MVB12B: variants seen among roughly 807,000 people sequenced by gnomAD.
MVB12B encodes multivesicular body subunit 12B.
In MVB12B, 16 loss-of-function variants were observed where a neutral mutation model predicts 41.6. That is an observed-to-expected ratio of 0.38 (90% CI 0.26 to 0.58). The LOEUF (loss-of-function observed/expected upper bound fraction) is 0.58. Ranked by LOEUF, MVB12B falls within the 20% of genes least tolerant of loss-of-function variation. The pLI, the probability that MVB12B is intolerant of heterozygous loss-of-function variation, is 0.62. For missense variants in MVB12B, 274 were observed against 380.2 expected, an observed-to-expected ratio of 0.72 and a Z score of 2.32; for synonymous variants, 133 against 139.7, an observed-to-expected ratio of 0.95 and a Z score of 0.34.
In MVB12B at chr9:126,386,440, T is replaced by C; in HGVS notation, c.313-122T>C. ...ACCATTAAGTGTCACCTACTCTAATTAACCTGCTGTCATAAAGCTGCACGA... is the reference window on the plus strand; with the variant it reads ...ACCATTAAGTGTCACCTACTCTAATCAACCTGCTGTCATAAAGCTGCACGA... On this transcript the variant is annotated intron_variant, in intron 3 of 9. Coordinates refer to ENST00000361171, the MANE Select transcript of MVB12B (RefSeq NM_033446.3). The surrounding 1 kb of genome is among the most constrained non-coding windows in gnomAD (Gnocchi z 4.3). 1.5e-6 allele frequency: 1 copy of C among 660,614 alleles called. No individual in the cohort carries two copies. The highest frequency in any genetic ancestry group is 2.8e-5 in the East Asian group (1 of 35,866). The allele number at this position is 660,614 out of a possible 1,614,324, so 40.9% of individuals were successfully genotyped here. A position where few individuals can be genotyped will look rare whatever the true frequency, so the allele number is the denominator to read the frequency against.
intron 4 of MVB12B, among the ~76,000 whole-genome samples, chr9:126,388,319 A>C (rs1830856262): frequency 6.6e-6 from 1 of 152,156 alleles, no homozygotes; most frequent in African/African-American, 2.4e-5. Context: ...AGCTTCTCTC[A>C]CTTAGCATAC....
At chr9:126,416,882 A>G (rs1356649281) in intron 6 of MVB12B, among the ~76,000 whole-genome samples, 1 of 152,216 alleles carries the variant, frequency 6.6e-6, no homozygotes, top group Non-Finnish European at 1.5e-5. Context: ...GACCCAGCTG[A>G]TGGCAGAGCC....
chr9:126,378,130 A>G (rs1380110061), intron 2 of MVB12B, among the ~76,000 whole-genome samples: 1 of 151,472 alleles, frequency 6.6e-6, no homozygotes, highest in African/African-American at 2.4e-5. Flanking sequence ...CCCACACCCC[A>G]CCTTACCCCA....
chr9:126,410,378 C>T (rs1003090255), intron 6 of MVB12B, among the ~76,000 whole-genome samples: 4 of 152,182 alleles, frequency 2.6e-5, no homozygotes, highest in Admixed American at 1.3e-4. Flanking sequence ...AGCATGAACG[C>T]ACATCCTAGC....
intron 7 of MVB12B, among the ~76,000 whole-genome samples, chr9:126,467,855 A>G (rs189473541): frequency 1.3e-5 from 2 of 152,288 alleles, no homozygotes; most frequent in Admixed American, 1.3e-4. Flanking sequence ...TTCTCCAAAC[A>G]GCTCCTGTCT....
In MVB12B at chr9:126,395,474, GT is replaced by G; in HGVS notation, c.540-98del. 7.1e-7 allele frequency: 1 copy of G among 1,408,936 alleles called. No homozygotes were observed. Among genetic ancestry groups the G allele is most frequent in the African/African-American group, 1.4e-5 (1 of 70,306 alleles). The allele number at this position is 1,408,936 out of a possible 1,614,324, so 87.3% of individuals were successfully genotyped here. A position where few individuals can be genotyped will look rare whatever the true frequency, so the allele number is the denominator to read the frequency against. On this transcript the variant is annotated intron_variant, in intron 5 of 9. Transcript: ENST00000361171. The surrounding 1 kb of genome is among the most constrained non-coding windows in gnomAD (Gnocchi z 4.9). ...GGAGGGCAAGAATTGATTCCCTGGT[GT>G]TTGAGGCCATGACTCTTTTAAATGA...
At chr9:126,472,313 A>G (rs1833330464) in intron 7 of MVB12B, among the ~76,000 whole-genome samples, 1 of 152,090 alleles carries the variant, frequency 6.6e-6, no homozygotes, top group Non-Finnish European at 1.5e-5. Flanking sequence ...TGCAGGAGCT[A>G]TAATCCCATC....
intron 1 of MVB12B, among the ~76,000 whole-genome samples, chr9:126,330,242 A>T (rs931111997): frequency 6.6e-6 from 1 of 151,724 alleles, no homozygotes; most frequent in African/African-American, 2.4e-5. Flanking sequence ...TTCCCTTAGG[A>T]CTGGAGGGCC....
chr9:126,397,058 G>A (rs942609647), intron 6 of MVB12B: 14 of 985,366 alleles, frequency 1.4e-5, no homozygotes, highest in Admixed American at 1.2e-4. Context: ...CCTGTGTGTC[G>A]GGGTCCTCCA....
chr9:126,429,335 A>G (rs1249624590), intron 7 of MVB12B, among the ~76,000 whole-genome samples: 1 of 152,228 alleles, frequency 6.6e-6, no homozygotes, highest in African/African-American at 2.4e-5. Context: ...GTATTTGTAT[A>G]TCCTGATGTA....
intron 9 of MVB12B, 62 bp from the exon 10 acceptor site, chr9:126,503,115 G>A: frequency 2.2e-6 from 3 of 1,378,146 alleles, no homozygotes; most frequent in Non-Finnish European, 1.0e-6. Context: ...TGAGGCTGTG[G>A]AGGGGTTTCC....
At chr9:126,416,164 C>T (rs563129518) in intron 6 of MVB12B, among the ~76,000 whole-genome samples, 9 of 152,334 alleles carry the variant, frequency 5.9e-5, no homozygotes, top group African/African-American at 1.9e-4. Flanking sequence ...CATGGAGGCC[C>T]TCATGAGCCA....
rs760112792 is a variant in MVB12B, at chr9:126,503,478, G to A, written c.*215G>A. On this transcript the variant is annotated 3_prime_UTR_variant, in exon 10 of 10. Transcript: ENST00000361171. Reference sequence around the variant, plus strand: ...CCCTGGGGACATTGTTCATAACCATGACTAATCTGTGTGTGCTGTAGTGAC... The same window carrying A: ...CCCTGGGGACATTGTTCATAACCATAACTAATCTGTGTGTGCTGTAGTGAC... The A allele has an allele frequency of 2.1e-4, 126 of 592,274 alleles. No homozygotes were observed. Among genetic ancestry groups the A allele is most frequent in the Middle Eastern group, 4.4e-4 (1 of 2,260 alleles). 36.7% of individuals were successfully genotyped at this position (592,274 alleles called of 1,614,324 possible).
chr9:126,381,808 G>T (rs1830645757), intron 3 of MVB12B, among the ~76,000 whole-genome samples: 2 of 151,758 alleles, frequency 1.3e-5, no homozygotes, highest in Non-Finnish European at 2.9e-5. Flanking sequence ...GCTTTGGTGA[G>T]TATCTGCTCT....
chr9:126,333,163 T>G lies in MVB12B; in HGVS notation c.81+6153T>G, dbSNP rs1829174880. On this transcript the variant is annotated intron_variant, in intron 1 of 9. Transcript: ENST00000361171. The surrounding 1 kb of genome is among the most constrained non-coding windows in gnomAD (Gnocchi z 4.7). ...GTGCAGTGGTGCAATCTTGGCTCACTGCAACCTCCGCCACCCAGGTTCAAG... is the reference window on the plus strand; with the variant it reads ...GTGCAGTGGTGCAATCTTGGCTCACGGCAACCTCCGCCACCCAGGTTCAAG... 1.3e-5 allele frequency among the ~76,000 whole-genome samples: 2 copies of G among 152,192 alleles called. No individual in the cohort carries two copies. Among genetic ancestry groups the G allele is most frequent in the South Asian group, 4.1e-4 (2 of 4,826 alleles).
chr9:126,468,211 T>C lies in MVB12B; in HGVS notation c.758-13158T>C, dbSNP rs1833236988. On this transcript the variant is annotated intron_variant, in intron 7 of 9. Transcript: ENST00000361171. The surrounding 1 kb of genome is among the most constrained non-coding windows in gnomAD (Gnocchi z 4.3). ...TTCCAGAATATTTCATCTTCTCTCA[T>C]GGTCTCAATTATCACCATGCTGGTT... Among the ~76,000 whole-genome samples, 1 of 152,240 alleles carries C rather than the reference T, an allele frequency of 6.6e-6. No homozygotes were observed. Among genetic ancestry groups the C allele is most frequent in the South Asian group, 2.1e-4 (1 of 4,834 alleles).
chr9:126,380,198 T>G (rs773098075), intron 2 of MVB12B, among the ~76,000 whole-genome samples: 1 of 152,146 alleles, frequency 6.6e-6, no homozygotes, highest in Non-Finnish European at 1.5e-5. Context: ...GACCAGCGAT[T>G]CACAGAGCAG....
At position 126,436,987 on chromosome 9, in the gene MVB12B, T is replaced by A. The variant is rs1832496147; in HGVS notation, c.757+15039T>A. ...ACCTCTGAAAACACAATTTATAACATGGCTTCTGCCCTTCCACAGAGAGCT... is the reference window on the plus strand; with the variant it reads ...ACCTCTGAAAACACAATTTATAACAAGGCTTCTGCCCTTCCACAGAGAGCT... On this transcript the variant is annotated intron_variant, in intron 7 of 9. Transcript: ENST00000361171. This position sits in a 1 kb window ranked among gnomAD's most constrained non-coding sequence, Gnocchi z 4.1. Among the ~76,000 whole-genome samples, 3 of 152,230 alleles carry A rather than the reference T, an allele frequency of 2.0e-5. No individual in the cohort carries two copies.
At chr9:126,451,807 C>T (rs975827180) in intron 7 of MVB12B, among the ~76,000 whole-genome samples, 1 of 152,174 alleles carries the variant, frequency 6.6e-6, no homozygotes, top group Non-Finnish European at 1.5e-5. Flanking sequence ...CCTGAACCCA[C>T]AGCCTCTGGT....
Sources: gnomAD v4.1 joint callset for allele counts (sites outside exome capture counted in the v4.1 genomes callset) on GRCh38, gnomAD v4.1.1 for gene constraint, Gnocchi (gnomAD v3.1) non-coding constraint, MANE v1.5 for transcripts, NCBI Gene and HGNC (gene_info 2026-07-23, HGNC 2026-07-21) for gene names.